Variants in MARCHF4 observed in about 807,000 individuals in gnomAD.
The protein encoded by MARCHF4 is membrane associated ring-CH-type finger 4.
MARCHF4 carries 14 observed loss-of-function variants against 43.9 expected under a neutral mutation model. The observed-to-expected ratio is 0.32, with a 90% CI of 0.21 to 0.50. The LOEUF (loss-of-function observed/expected upper bound fraction) is 0.50, where lower values mean the gene tolerates loss of function less well. Ranked by LOEUF, MARCHF4 falls within the 20% of genes least tolerant of loss-of-function variation. The pLI is 0.98. For missense variants in MARCHF4, 468 were observed against 536.7 expected (o/e 0.87, Z 1.27); for synonymous variants, 226 against 213.3 (o/e 1.06, Z -0.52).
chr2:216,312,116 C>A (rs1390690261), intron 1 of MARCHF4, among the ~76,000 whole-genome samples: 1 of 152,150 alleles, frequency 6.6e-6, no homozygotes, highest in Non-Finnish European at 1.5e-5. Flanking sequence ...AATTTTTCAA[C>A]CCTTATCCAC....
chr2:216,358,453 T>A (rs966997388), intron 1 of MARCHF4, among the ~76,000 whole-genome samples: 1 of 152,174 alleles, frequency 6.6e-6, no homozygotes, highest in Middle Eastern at 3.2e-3. Context: ...CTGCTATAGA[T>A]AGAAGGAGGA....
chr2:216,354,683 A>G (rs995244092), intron 1 of MARCHF4, among the ~76,000 whole-genome samples: 11 of 152,154 alleles, frequency 7.2e-5, no homozygotes, highest in Admixed American at 1.3e-4. Flanking sequence ...GGACATTTTC[A>G]TCTCTAAATC....
At chr2:216,368,240 T>G in intron 1 of MARCHF4, among the ~76,000 whole-genome samples, 1 of 152,270 alleles carries the variant, frequency 6.6e-6, no homozygotes, top group Admixed American at 6.5e-5. Context: ...GATCCTGATA[T>G]CAAAGTGAGG....
chr2:216,336,484 T>C (rs964073496), intron 1 of MARCHF4, among the ~76,000 whole-genome samples: 1 of 152,152 alleles, frequency 6.6e-6, no homozygotes, highest in African/African-American at 2.4e-5. Context: ...TTTACAACTA[T>C]GTTAATCAGT....
At chr2:216,333,408 C>T (rs1020658715) in intron 1 of MARCHF4, among the ~76,000 whole-genome samples, 3 of 152,098 alleles carry the variant, frequency 2.0e-5, no homozygotes, top group Non-Finnish European at 2.9e-5. Context: ...TTTCAGTGCT[C>T]GTAAAAAATG....
chr2:216,284,568 T>C (rs889369907), intron 1 of MARCHF4, among the ~76,000 whole-genome samples: 1 of 152,160 alleles, frequency 6.6e-6, no homozygotes, highest in African/African-American at 2.4e-5. Flanking sequence ...TGAGCTCAAG[T>C]GATCCTCTGG....
chr2:216,315,868 T>A (rs1476329474), intron 1 of MARCHF4, among the ~76,000 whole-genome samples: 1 of 152,190 alleles, frequency 6.6e-6, no homozygotes, highest in Non-Finnish European at 1.5e-5. Context: ...AAGTGAGTCA[T>A]CCCAGTCGCC....
chr2:216,314,714 T>C (rs1486765457), intron 1 of MARCHF4, among the ~76,000 whole-genome samples: 1 of 152,158 alleles, frequency 6.6e-6, no homozygotes, highest in Non-Finnish European at 1.5e-5. Context: ...CTTTAGGTTA[T>C]GTAACCAGGA....
At chr2:216,274,010 C>T (rs1182605018) in intron 3 of MARCHF4, among the ~76,000 whole-genome samples, 2 of 152,210 alleles carry the variant, frequency 1.3e-5, no homozygotes, top group African/African-American at 4.8e-5. Context: ...GGTTGTGTTA[C>T]AGCATCACTT....
At chr2:216,355,003 A>ATTCTTTCTTTTTTT (rs1559106767) in intron 1 of MARCHF4, among the ~76,000 whole-genome samples, 2 of 126,570 alleles carry the variant, frequency 1.6e-5, no homozygotes, top group African/African-American at 3.0e-5. Flanking sequence ...ACAGAGTCTA[A>ATTCTTTCTTTTTTT]CTTTGTCACC....
chr2:216,266,639 G>T (rs772956263), intron 3 of MARCHF4, among the ~76,000 whole-genome samples: 55 of 152,148 alleles, frequency 3.6e-4, no homozygotes, highest in Non-Finnish European at 6.6e-4. Context: ...CAGCTATGGG[G>T]TGAGGCTTAG....
intron 1 of MARCHF4, among the ~76,000 whole-genome samples, chr2:216,294,578 G>A (rs1361778707): frequency 6.6e-6 from 1 of 152,152 alleles, no homozygotes; most frequent in Non-Finnish European, 1.5e-5. Flanking sequence ...GGCAGCCATG[G>A]GCTTAAGCAA....
At chr2:216,304,528 A>G (rs778931073) in intron 1 of MARCHF4, among the ~76,000 whole-genome samples, 1 of 152,112 alleles carries the variant, frequency 6.6e-6, no homozygotes, top group Non-Finnish European at 1.5e-5. Flanking sequence ...AAGGTTGATC[A>G]CCTCTTCTCT....
rs1017881953 is a variant in MARCHF4, at chr2:216,372,022, G to C, written c.-1762C>G. 2 of 152,494 alleles carry C rather than the reference G, an allele frequency of 1.3e-5. No individual in the cohort carries two copies. Among genetic ancestry groups the C allele is most frequent in the Admixed American group, 6.5e-5 (1 of 15,292 alleles). 9.4% of individuals were successfully genotyped at this position (152,494 alleles called of 1,614,324 possible). A position where few individuals can be genotyped will look rare whatever the true frequency, so the allele number is the denominator to read the frequency against. ...GGGGGGAGCGAAGCAGTGTGGCCGAGGTGGGAGGCAGCCGGCACTTGGCTC... is the reference window on the plus strand; with the variant it reads ...GGGGGGAGCGAAGCAGTGTGGCCGACGTGGGAGGCAGCCGGCACTTGGCTC... On this transcript the variant is annotated 5_prime_UTR_variant, in exon 1 of 4. Coordinates refer to ENST00000273067, the MANE Select transcript of MARCHF4 (RefSeq NM_020814.3).
At chr2:216,326,374 T>C (rs1469304939) in intron 1 of MARCHF4, among the ~76,000 whole-genome samples, 1 of 148,378 alleles carries the variant, frequency 6.7e-6, no homozygotes, top group African/African-American at 2.5e-5. Context: ...GACTGTAAAC[T>C]AGTTCAACCA....
At chr2:216,322,499 G>A (rs546410620) in intron 1 of MARCHF4, among the ~76,000 whole-genome samples, 6 of 152,176 alleles carry the variant, frequency 3.9e-5, no homozygotes, top group Non-Finnish European at 7.3e-5. Flanking sequence ...GCTGTGGAGG[G>A]TCTTAGCAGT....
chr2:216,338,832 T>C (rs1692195503), intron 1 of MARCHF4, among the ~76,000 whole-genome samples: 1 of 152,116 alleles, frequency 6.6e-6, no homozygotes, highest in Non-Finnish European at 1.5e-5. Flanking sequence ...AGTTACTGAG[T>C]GTCAAGGTCT....
At position 216,324,862 on chromosome 2, in the gene MARCHF4, T is replaced by C. The variant is rs1691962381; in HGVS notation, c.517-41133A>G. Among the ~76,000 whole-genome samples the C allele has an allele frequency of 2.1e-5, 3 of 142,988 alleles. No individual in the cohort carries two copies. The South Asian group carries it at 6.9e-4, about 33-fold the overall frequency. The allele number at this position is 142,988 out of a possible 152,430, so 93.8% of individuals were successfully genotyped here. ...GACAAACCCACAGCCAATATCATACTGAATGGGCAAAAACTGGAAGCATTC... is the reference window on the plus strand; with the variant it reads ...GACAAACCCACAGCCAATATCATACCGAATGGGCAAAAACTGGAAGCATTC... On this transcript the variant is annotated intron_variant, in intron 1 of 3. Coordinates refer to ENST00000273067, the MANE Select transcript of MARCHF4 (RefSeq NM_020814.3).
At chr2:216,312,780 G>A (rs11898809) in intron 1 of MARCHF4, among the ~76,000 whole-genome samples, 18 of 152,206 alleles carry the variant, frequency 1.2e-4, no homozygotes, top group African/African-American at 3.8e-4. Flanking sequence ...CTGGACATTA[G>A]TCATTTGTCA....
Sources: allele counts gnomAD v4.1 joint callset (sites outside exome capture counted in the v4.1 genomes callset), GRCh38; gene constraint gnomAD v4.1.1; transcripts MANE v1.5; gene names NCBI Gene and HGNC (gene_info 2026-07-23, HGNC 2026-07-21).